Variants in SUPT3H observed in about 807,000 individuals in gnomAD.
SUPT3H encodes the protein SPT3 homolog, SAGA and STAGA complex component.
In SUPT3H, 44 loss-of-function variants were observed where a neutral mutation model predicts 44.3. That is an observed-to-expected ratio of 0.99 (90% CI 0.78 to 1.28). The LOEUF (loss-of-function observed/expected upper bound fraction) is 1.28, where lower values mean the gene tolerates loss of function less well. Ranked by LOEUF, SUPT3H falls within the 50% of genes most tolerant of loss-of-function variation. The pLI is 0.00. For synonymous variants in SUPT3H, 124 were observed against 125.6 expected, an observed-to-expected ratio of 0.99 and a Z score of 0.09; for missense variants, 380 against 387.1, an observed-to-expected ratio of 0.98 and a Z score of 0.15.
chr6:45,294,652 C>A (rs1042297808), intron 2 of SUPT3H, among the ~76,000 whole-genome samples: 3 of 132,698 alleles, frequency 2.3e-5, no homozygotes, highest in Non-Finnish European at 4.7e-5. Flanking sequence ...AATTATTGTA[C>A]ACTAATCAGC....
intron 10 of SUPT3H, among the ~76,000 whole-genome samples, chr6:44,862,802 G>C (rs1322744409): frequency 6.6e-6 from 1 of 151,836 alleles, no homozygotes; most frequent in African/African-American, 2.4e-5. Flanking sequence ...TAAAATATTA[G>C]TGTCTAAAAG....
chr6:45,366,303 G>C (rs745336251), intron 1 of SUPT3H, among the ~76,000 whole-genome samples: 1 of 152,136 alleles, frequency 6.6e-6, no homozygotes, highest in Non-Finnish European at 1.5e-5. Flanking sequence ...TTGAATCCCA[G>C]CTCCGCTCCT....
At chr6:44,876,618 C>A (rs1203792204) in intron 10 of SUPT3H, among the ~76,000 whole-genome samples, 2 of 146,376 alleles carry the variant, frequency 1.4e-5, no homozygotes, top group African/African-American at 2.5e-5. Context: ...CTAACCTGCA[C>A]AATGTGCACA....
intron 6 of SUPT3H, among the ~76,000 whole-genome samples, chr6:44,962,556 G>GA (rs1267722171): frequency 4.2e-4 from 52 of 123,502 alleles, no homozygotes; most frequent in Admixed American, 1.2e-3. Context: ...GCCCAGCGAA[G>GA]AAAAAAAAAA....
chr6:44,872,565 C>G (rs1357851416), intron 10 of SUPT3H, among the ~76,000 whole-genome samples: 1 of 151,962 alleles, frequency 6.6e-6, no homozygotes, highest in Non-Finnish European at 1.5e-5. Context: ...TAAAGACCAT[C>G]GAGGCTAGGA....
chr6:45,075,609 T>C (rs114121916), intron 3 of SUPT3H, among the ~76,000 whole-genome samples: 2,951 of 152,228 alleles, frequency 0.019, 57 homozygotes, highest in South Asian at 0.085. Flanking sequence ...TTGTTACAGA[T>C]CTTTCACAAG....
chr6:45,018,664 T>C (rs1366486400), intron 4 of SUPT3H, among the ~76,000 whole-genome samples: 1 of 152,070 alleles, frequency 6.6e-6, no homozygotes, highest in Non-Finnish European at 1.5e-5. Flanking sequence ...GATTTGCGTA[T>C]ATTGAACTAG....
chr6:45,216,509 A>C (rs1394206487), intron 2 of SUPT3H, among the ~76,000 whole-genome samples: 1 of 152,224 alleles, frequency 6.6e-6, no homozygotes, highest in East Asian at 1.9e-4. Context: ...GGATAAATAA[A>C]CTGAATAAAT....
chr6:44,891,731 T>G (rs930676001), intron 10 of SUPT3H, among the ~76,000 whole-genome samples: 2 of 151,800 alleles, frequency 1.3e-5, no homozygotes, highest in African/African-American at 4.8e-5. Flanking sequence ...AATGTACACT[T>G]AAAAATGGTT....
intron 10 of SUPT3H, among the ~76,000 whole-genome samples, chr6:44,878,375 G>C (rs80226990): frequency 7.9e-5 from 12 of 151,976 alleles, no homozygotes; most frequent in Non-Finnish European, 1.5e-5. Context: ...TGCCATTTGT[G>C]GGTATGTTTC....
At chr6:45,128,215 T>C (rs926203397) in intron 2 of SUPT3H, among the ~76,000 whole-genome samples, 1 of 151,756 alleles carries the variant, frequency 6.6e-6, no homozygotes, top group Admixed American at 6.6e-5. Context: ...TCTTAGAAAA[T>C]ATAATTATCA....
chr6:45,014,146 T>A (rs1280631957), intron 5 of SUPT3H, among the ~76,000 whole-genome samples: 2 of 152,028 alleles, frequency 1.3e-5, no homozygotes, highest in African/African-American at 2.4e-5. Context: ...ATAATTTCTA[T>A]CAACTGTTTT....
chr6:45,027,266 C>T (rs1019650689), intron 3 of SUPT3H, among the ~76,000 whole-genome samples: 2 of 152,092 alleles, frequency 1.3e-5, no homozygotes, highest in African/African-American at 2.4e-5. Flanking sequence ...GCTGGGATTA[C>T]AGGCACGTAG....
At chr6:45,014,759 G>T in intron 5 of SUPT3H, 42 bp downstream of exon 5, 1 of 1,412,904 alleles carries the variant, frequency 7.1e-7, no homozygotes. Context: ...GCACACATGT[G>T]TCATAAGCTC....
At chr6:45,063,526 AT>A (rs1427580707) in intron 3 of SUPT3H, among the ~76,000 whole-genome samples, 1 of 129,068 alleles carries the variant, frequency 7.7e-6, no homozygotes, top group Non-Finnish European at 1.6e-5. Context: ...ATGGGAGGAC[AT>A]TCAAACCAAA....
chr6:45,009,765 T>G (rs1441844136), intron 5 of SUPT3H, among the ~76,000 whole-genome samples: 1 of 152,166 alleles, frequency 6.6e-6, no homozygotes, highest in African/African-American at 2.4e-5. Flanking sequence ...CTTTATTCTT[T>G]GTTAAGATTG....
chr6:45,118,411 GT>G (rs1213188741), intron 2 of SUPT3H, among the ~76,000 whole-genome samples: 1 of 152,080 alleles, frequency 6.6e-6, no homozygotes, highest in African/African-American at 2.4e-5. Context: ...CAATAAAACA[GT>G]AATTAAGACC....
chr6:45,254,375 A>G (rs1772984448), intron 2 of SUPT3H, among the ~76,000 whole-genome samples: 1 of 152,190 alleles, frequency 6.6e-6, no homozygotes, highest in African/African-American at 2.4e-5. Context: ...AGCAAGCTCA[A>G]ATCTGTGCTC....
intron 2 of SUPT3H, among the ~76,000 whole-genome samples, chr6:45,294,487 T>G (rs1162404472): frequency 6.6e-6 from 1 of 151,960 alleles, no homozygotes; most frequent in African/African-American, 2.4e-5. Context: ...CAGAGCTATC[T>G]GACAAGAGAA....
Sources: gnomAD v4.1 joint callset for allele counts (sites outside exome capture counted in the v4.1 genomes callset) on GRCh38, gnomAD v4.1.1 for gene constraint, MANE v1.5 for transcripts, NCBI Gene and HGNC (gene_info 2026-07-23, HGNC 2026-07-21) for gene names.